The following CCDC149 variants were observed in gnomAD, a reference collection of about 807,000 sequenced individuals.
CCDC149 encodes the protein coiled-coil domain-containing protein 149.
A neutral mutation model predicts 59.9 loss-of-function variants in CCDC149; 45 were observed. The ratio of observed to expected loss-of-function variants is 0.75; its 90% CI spans 0.59 to 0.96. CCDC149 has a LOEUF of 0.96. Among genes scored for constraint, CCDC149 ranks in the 40% least tolerant of loss-of-function variants. The pLI is 0.00. For missense variants in CCDC149, 584 were observed against 664.7 expected (o/e 0.88, Z 1.33); for synonymous variants, 245 against 260.6 (o/e 0.94, Z 0.58).
chr4:24,867,393 C>T (rs1042084098), intron 3 of CCDC149, among the ~76,000 whole-genome samples: 2 of 152,224 alleles, frequency 1.3e-5, no homozygotes, highest in African/African-American at 4.8e-5. Context: ...AACTGTGATG[C>T]TGCCCTGTGC....
intron 12 of CCDC149, among the ~76,000 whole-genome samples, chr4:24,809,267 C>T (rs1235660495): frequency 6.6e-6 from 1 of 152,058 alleles, no homozygotes. Flanking sequence ...TTTAGTGCCA[C>T]CCCTTCTCCA....
chr4:24,860,965 G>T (rs1037017405), intron 3 of CCDC149, among the ~76,000 whole-genome samples: 1 of 152,108 alleles, frequency 6.6e-6, no homozygotes, highest in African/African-American at 2.4e-5. Flanking sequence ...AAAAATAATA[G>T]ATGTTGGCAT....
intron 1 of CCDC149, among the ~76,000 whole-genome samples, chr4:24,979,590 T>C (rs1724375960): frequency 6.6e-6 from 1 of 152,222 alleles, no homozygotes; most frequent in Admixed American, 6.5e-5. Context: ...GATTTCTAAC[T>C]CAGTCTTTTC....
chr4:24,881,007 A>G (rs1436625436), intron 1 of CCDC149, among the ~76,000 whole-genome samples: 1 of 152,186 alleles, frequency 6.6e-6, no homozygotes, highest in Non-Finnish European at 1.5e-5. Flanking sequence ...TCCAGTCCAG[A>G]AGGTACGACT....
At chr4:24,951,191 A>G (rs374565942) in intron 1 of CCDC149, among the ~76,000 whole-genome samples, 8 of 152,214 alleles carry the variant, frequency 5.3e-5, no homozygotes, top group African/African-American at 1.9e-4. Flanking sequence ...ATGCCTCCTC[A>G]TTTAAATTCA....
At chr4:24,891,257 G>A (rs921154276) in intron 1 of CCDC149, among the ~76,000 whole-genome samples, 5 of 152,186 alleles carry the variant, frequency 3.3e-5, no homozygotes, top group African/African-American at 4.8e-5. Flanking sequence ...TATAATCCTC[G>A]TGATTCAAAT....
intron 12 of CCDC149, 126 bp downstream of exon 12, chr4:24,819,733 G>A: frequency 1.3e-6 from 1 of 754,664 alleles, no homozygotes. Context: ...GAGGAAATCT[G>A]AGGAATGTCC....
chr4:24,858,696 T>C (rs1718185943), intron 3 of CCDC149, among the ~76,000 whole-genome samples: 1 of 152,198 alleles, frequency 6.6e-6, no homozygotes, highest in Non-Finnish European at 1.5e-5. Flanking sequence ...CAGAAGCAAT[T>C]CACCAAAGCC....
intron 3 of CCDC149, among the ~76,000 whole-genome samples, chr4:24,861,235 G>A (rs190833403): frequency 2.2e-3 from 301 of 137,280 alleles, no homozygotes; most frequent in African/African-American, 7.3e-3. Context: ...ATCAATGAGC[G>A]AATAAATAAT....
Position 24,875,728 on chromosome 4 carries a change from G to T in CCDC149, c.225+808C>A, listed in dbSNP as rs564537272. Among the ~76,000 whole-genome samples the T allele has an allele frequency of 2.0e-5, 3 of 152,274 alleles. No individual in the cohort carries two copies. The South Asian group carries it at 6.2e-4, about 32-fold the overall frequency. On this transcript the variant is annotated intron_variant, in intron 2 of 12. Coordinates refer to ENST00000635206, the MANE Select transcript of CCDC149 (RefSeq NM_001330643.2). The stretch of plus-strand genomic sequence containing the variant: ...ATGAGCCCATGAAATGTGACATTGA[G>T]ACTGAGCAATAGAGTCTCCTATTTT...
upstream of CCDC149, among the ~76,000 whole-genome samples, chr4:24,914,793 G>A (rs954699889): frequency 9.9e-5 from 15 of 152,208 alleles, no homozygotes; most frequent in South Asian, 2.1e-4. Flanking sequence ...TGAAGGGCCT[G>A]AATGGCTTGA....
intron 1 of CCDC149, among the ~76,000 whole-genome samples, chr4:24,946,787 A>G (rs761076040): frequency 2.0e-5 from 3 of 152,196 alleles, no homozygotes; most frequent in Non-Finnish European, 4.4e-5. Context: ...TGATTAGTCT[A>G]AAGATTTGCC....
intron 3 of CCDC149, among the ~76,000 whole-genome samples, chr4:24,873,098 C>T (rs1486998395): frequency 6.6e-6 from 1 of 151,924 alleles, no homozygotes; most frequent in Non-Finnish European, 1.5e-5. Context: ...TGGTATGCAC[C>T]CAACAAATGG....
upstream of CCDC149, among the ~76,000 whole-genome samples, chr4:24,914,955 C>T (rs1722082949): frequency 6.6e-6 from 1 of 152,206 alleles, no homozygotes; most frequent in Admixed American, 6.5e-5. Context: ...AACTGCAGCA[C>T]TCATCCTGGG....
At chr4:24,866,823 C>CCCCA (rs10635009) in intron 3 of CCDC149, among the ~76,000 whole-genome samples, 1 of 142,180 alleles carries the variant, frequency 7.0e-6, no homozygotes, top group African/African-American at 2.6e-5. Flanking sequence ...ACACACACAC[C>CCCCA]CACACACACA....
chr4:24,814,775 C>A (rs539684245), intron 12 of CCDC149, among the ~76,000 whole-genome samples: 1 of 152,308 alleles, frequency 6.6e-6, no homozygotes, highest in Admixed American at 6.5e-5. Context: ...AGGCCTTCCA[C>A]GACTCAACAT....
chr4:24,860,432 C>G (rs1023657668), intron 3 of CCDC149, among the ~76,000 whole-genome samples: 3 of 152,146 alleles, frequency 2.0e-5, no homozygotes, highest in Non-Finnish European at 2.9e-5. Context: ...TCACCTTATA[C>G]AAAAGCCAAC....
intron 1 of CCDC149, among the ~76,000 whole-genome samples, chr4:24,975,304 G>A (rs1265797608): frequency 6.7e-6 from 1 of 150,068 alleles, no homozygotes; most frequent in Non-Finnish European, 1.5e-5. Context: ...GGAGAGAAAG[G>A]GAAAAGAAGG....
intron 4 of CCDC149, among the ~76,000 whole-genome samples, chr4:24,843,318 C>T (rs542295782): frequency 6.6e-6 from 1 of 152,328 alleles, no homozygotes; most frequent in South Asian, 2.1e-4. Context: ...TGTACTGCTG[C>T]AGATAGCACA....
Sources: allele counts gnomAD v4.1 joint callset (sites outside exome capture counted in the v4.1 genomes callset), GRCh38; gene constraint gnomAD v4.1.1; transcripts MANE v1.5; gene names NCBI Gene and HGNC (gene_info 2026-07-23, HGNC 2026-07-21).